The following LPP variants were observed in gnomAD, a reference collection of about 807,000 sequenced individuals.
LPP encodes LIM domain containing preferred translocation partner in lipoma.
LPP carries 38 observed loss-of-function variants against 60.4 expected under a neutral mutation model. The observed-to-expected ratio is 0.63, with a 90% CI of 0.49 to 0.83. The LOEUF is 0.83. LPP is among the 40% of genes least tolerant of loss of function. The pLI is 0.00. For synonymous variants in LPP, 328 were observed against 290.8 expected, an observed-to-expected ratio of 1.13 and a Z score of -1.30; for missense variants, 902 against 783.6, an observed-to-expected ratio of 1.15 and a Z score of -1.80.
intron 8 of LPP, among the ~76,000 whole-genome samples, chr3:188,753,533 C>T (rs1444506975): frequency 6.6e-6 from 1 of 151,366 alleles, no homozygotes; most frequent in Non-Finnish European, 1.5e-5. Context: ...TCCACTCATT[C>T]CTGAACTCCT....
chr3:188,650,378 C>T lies in LPP; in HGVS notation c.1113+40534C>T, dbSNP rs371492202. Among the ~76,000 whole-genome samples, 14 of 152,228 alleles carry T rather than the reference C, an allele frequency of 9.2e-5. No homozygotes were observed. In the South Asian group the frequency reaches 1.7e-3, roughly 18 times the overall value. On this transcript the variant is annotated intron_variant, in intron 7 of 11. Coordinates refer to ENST00000617246, the MANE Select transcript of LPP (RefSeq NM_001375462.1). ...TCATCATTTATTCCCTGATTTACTG[C>T]GTTTTATTCTGTATCAGATGATGTG...
rs1755413050 is a variant in LPP, at chr3:188,317,437, G to T, written c.-66-24226G>T. 2.6e-5 allele frequency among the ~76,000 whole-genome samples: 4 copies of T among 152,228 alleles called. No individual in the cohort carries two copies. In the South Asian group the frequency reaches 8.3e-4, roughly 32 times the overall value. The stretch of plus-strand genomic sequence containing the variant: ...AGCAGTGCCAAAAATTTTCGTTATG[G>T]CCTTGGTAAAGGTGATTTCCCATCT... On this transcript the variant is annotated intron_variant, in intron 2 of 11. Coordinates refer to ENST00000617246, the MANE Select transcript of LPP (RefSeq NM_001375462.1).
chr3:188,585,753 A>G (rs1324325014), intron 6 of LPP, among the ~76,000 whole-genome samples: 1 of 152,232 alleles, frequency 6.6e-6, no homozygotes, highest in African/African-American at 2.4e-5. Flanking sequence ...ATGTAAATGT[A>G]TTTGTTTTAT....
rs1765072305 is a variant in LPP, at chr3:188,348,776, A to G, written c.-10+7057A>G. ...GCTCATTAGTGTTTGAGAAACATTCACTTCGGCCCTCGCCCTATTTCAAGG... is the reference window on the plus strand; with the variant it reads ...GCTCATTAGTGTTTGAGAAACATTCGCTTCGGCCCTCGCCCTATTTCAAGG... On this transcript the variant is annotated intron_variant, in intron 3 of 11. Coordinates refer to ENST00000617246, the MANE Select transcript of LPP (RefSeq NM_001375462.1). Among the ~76,000 whole-genome samples, 4 of 151,788 alleles carry G rather than the reference A, an allele frequency of 2.6e-5. No individual in the cohort carries two copies. The South Asian group carries it at 6.2e-4, about 24-fold the overall frequency.
intron 2 of LPP, among the ~76,000 whole-genome samples, chr3:188,282,994 T>C (rs976819344): frequency 5.3e-5 from 8 of 152,148 alleles, no homozygotes; most frequent in South Asian, 2.1e-4. Flanking sequence ...CCTGAGGGGT[T>C]GGAAGGTCAA....
chr3:188,778,490 G>A (rs1053803664), intron 9 of LPP, among the ~76,000 whole-genome samples: 18 of 152,164 alleles, frequency 1.2e-4, no homozygotes, highest in Non-Finnish European at 2.2e-4. Flanking sequence ...TTCTGGAGGT[G>A]TAATTAATCC....
At chr3:188,539,625 C>T (rs980564970) in intron 6 of LPP, among the ~76,000 whole-genome samples, 1 of 152,186 alleles carries the variant, frequency 6.6e-6, no homozygotes, top group Non-Finnish European at 1.5e-5. Context: ...GAATTATTCA[C>T]ACTCTTTAAA....
At chr3:188,705,178 C>T (rs1268774031) in intron 7 of LPP, among the ~76,000 whole-genome samples, 1 of 152,156 alleles carries the variant, frequency 6.6e-6, no homozygotes, top group Non-Finnish European at 1.5e-5. Context: ...GTGAAAGTCC[C>T]CTAAGATTCC....
chr3:188,826,114 G>A (rs976722486), intron 9 of LPP, among the ~76,000 whole-genome samples: 2 of 152,288 alleles, frequency 1.3e-5, no homozygotes, highest in Admixed American at 6.5e-5. Flanking sequence ...TGGTTCAGGA[G>A]CAGCTGCAGA....
intron 3 of LPP, among the ~76,000 whole-genome samples, chr3:188,363,317 C>T (rs888221056): frequency 6.6e-6 from 1 of 152,148 alleles, no homozygotes; most frequent in Non-Finnish European, 1.5e-5. Flanking sequence ...AATGCTAAGT[C>T]AAGGTAAAAA....
intron 6 of LPP, 140 bp downstream of exon 6, chr3:188,524,927 CCTTCCTTCCTTCCTTCCTTCCT>C: frequency 4.6e-6 from 3 of 654,548 alleles, no homozygotes; most frequent in Admixed American, 3.6e-5. Flanking sequence ...TTCCTTCCTT[CCTTCCTTCCTTCCTTCCTTCCT>C]CTCTCTCTCT....
intron 1 of LPP, among the ~76,000 whole-genome samples, chr3:188,204,972 G>A (rs1732760734): frequency 1.3e-5 from 2 of 152,154 alleles, no homozygotes; most frequent in South Asian, 2.1e-4. Flanking sequence ...GGTTCAAATT[G>A]AACATGTTGA....
intron 3 of LPP, among the ~76,000 whole-genome samples, chr3:188,360,645 C>T (rs1279918919): frequency 1.3e-5 from 2 of 152,178 alleles, no homozygotes; most frequent in Non-Finnish European, 2.9e-5. Context: ...TCATGAGCCA[C>T]CACATCTGGC....
chr3:188,308,882 G>A (rs200376735), intron 2 of LPP, among the ~76,000 whole-genome samples: 4 of 89,206 alleles, frequency 4.5e-5, no homozygotes, highest in South Asian at 7.7e-4. Context: ...TCTCGTTCTC[G>A]TTCTCCTTCT....
chr3:188,880,259 C>T lies in LPP; in HGVS notation c.*5780C>T, dbSNP rs1175922356. 6.0e-6 allele frequency: 1 copy of T among 166,054 alleles called. No individual in the cohort carries two copies. The highest frequency in any genetic ancestry group is 1.3e-5 in the Non-Finnish European group (1 of 76,042). The allele number at this position is 166,054 out of a possible 1,614,324, so 10.3% of individuals were successfully genotyped here. On this transcript the variant is annotated 3_prime_UTR_variant, in exon 12 of 12. Coordinates refer to ENST00000617246, the MANE Select transcript of LPP (RefSeq NM_001375462.1). ...TGTTAGCCAGGATGGCCTCGATCTC[C>T]TGACCTCGTGATCCACCCGCCTCGG...
intron 2 of LPP, among the ~76,000 whole-genome samples, chr3:188,256,216 T>C (rs1299495506): frequency 6.6e-6 from 1 of 152,138 alleles, no homozygotes; most frequent in East Asian, 1.9e-4. Flanking sequence ...GTTAAACAAG[T>C]AGGGAAATTA....
rs149937117 is a variant in LPP at position 188,555,726 on chromosome 3, C to T, written c.429+30939C>T. 5.3e-5 allele frequency among the ~76,000 whole-genome samples: 8 copies of T among 152,072 alleles called. No homozygotes were observed. The East Asian group carries it at 9.7e-4, about 18-fold the overall frequency. On this transcript the variant is annotated intron_variant, in intron 6 of 11. Coordinates refer to ENST00000617246, the MANE Select transcript of LPP (RefSeq NM_001375462.1). Reference sequence around the variant, plus strand: ...AGAGAAAGGAGAAAGGATGATCAGCCATTTGGCTTTGAATATGTTATATTT... The same window carrying T: ...AGAGAAAGGAGAAAGGATGATCAGCTATTTGGCTTTGAATATGTTATATTT...
At chr3:188,306,792 ACT>A (rs1447535228) in intron 2 of LPP, among the ~76,000 whole-genome samples, 12 of 151,720 alleles carry the variant, frequency 7.9e-5, no homozygotes, top group Non-Finnish European at 1.6e-4. Flanking sequence ...TTTTATGTAA[ACT>A]CTTTGGTTTT....
intron 7 of LPP, among the ~76,000 whole-genome samples, chr3:188,642,003 C>T (rs931379418): frequency 3.3e-5 from 5 of 152,128 alleles, no homozygotes; most frequent in Admixed American, 2.6e-4. Context: ...AGAAGCAAAC[C>T]GCATCCTTGC....
Sources: gnomAD v4.1 joint callset for allele counts (sites outside exome capture counted in the v4.1 genomes callset) on GRCh38, gnomAD v4.1.1 for gene constraint, MANE v1.5 for transcripts, NCBI Gene and HGNC (gene_info 2026-07-23, HGNC 2026-07-21) for gene names.